Variants in LYPLA1 observed in about 807,000 individuals in gnomAD.
LYPLA1 encodes the protein lysophospholipase 1, also known as acyl-protein thioesterase 1.
LYPLA1 carries 17 observed loss-of-function variants against 34.0 expected under a neutral mutation model. That is an observed-to-expected ratio of 0.50 (90% CI 0.34 to 0.75). LYPLA1 has a LOEUF of 0.75. LYPLA1 is among the 30% of genes least tolerant of loss of function. The pLI, the probability that LYPLA1 is intolerant of heterozygous loss-of-function variation, is 0.01. For missense variants in LYPLA1, 203 were observed against 288.8 expected (o/e 0.70, Z 2.15); for synonymous variants, 98 against 100.8 (o/e 0.97, Z 0.17).
intron 4 of LYPLA1, 143 bp downstream of exon 4, chr8:54,063,185 G>T (rs1806784048): frequency 1.2e-5 from 7 of 567,390 alleles, no homozygotes; most frequent in Non-Finnish European, 2.2e-5. Flanking sequence ...TAAATCCAGA[G>T]TATGAAAATG....
chr8:54,048,246 T>C (rs976060374), intron 8 of LYPLA1, 128 bp from the exon 9 acceptor site: 1 of 620,914 alleles, frequency 1.6e-6, no homozygotes, highest in Non-Finnish European at 2.9e-6. Context: ...TACAATTAAA[T>C]AAGACAAAAG....
chr8:54,052,838 T>G, intron 6 of LYPLA1, 82 bp from the exon 7 acceptor site: 2 of 850,086 alleles, frequency 2.4e-6, no homozygotes, highest in Admixed American at 4.6e-5. Context: ...ACTAATGATA[T>G]CCATAAAAAA....
At chr8:54,100,445 C>T (rs962096067) in intron 2 of LYPLA1, 18 of 154,162 alleles carry the variant, frequency 1.2e-4, no homozygotes, top group Admixed American at 1.1e-3. Flanking sequence ...CCAAATAAAT[C>T]TTTGAGTTGC....
At chr8:54,100,349 T>C (rs537975783) in intron 2 of LYPLA1, 1 of 152,854 alleles carries the variant, frequency 6.5e-6, no homozygotes, top group South Asian at 2.0e-4. Flanking sequence ...CCCTTGTCTC[T>C]AAAAATAATA....
rs1805539228 is a variant in LYPLA1, at chr8:54,047,276, A to G, written c.*789T>C. Reference sequence around the variant, plus strand: ...TGTCTGGTTTCTCTATAAAGCATAAATAGATTTTAAATACCTTATATCTGT... The same window carrying G: ...TGTCTGGTTTCTCTATAAAGCATAAGTAGATTTTAAATACCTTATATCTGT... On this transcript the variant is annotated 3_prime_UTR_variant, in exon 9 of 9. Coordinates refer to ENST00000316963, the MANE Select transcript of LYPLA1 (RefSeq NM_006330.4). 6.6e-6 allele frequency: 1 copy of G among 152,198 alleles called. No homozygotes were observed. Among genetic ancestry groups the G allele is most frequent in the African/African-American group, 2.4e-5 (1 of 41,474 alleles). 9.4% of individuals were successfully genotyped at this position (152,198 alleles called of 1,614,324 possible).
chr8:54,065,750 A>G lies in LYPLA1; in HGVS notation c.165T>C (p.His55=), dbSNP rs769924686. 3.7e-6 allele frequency: 6 copies of G among 1,613,392 alleles called. No homozygotes were observed. The South Asian group carries it at 4.4e-5, about 12-fold the overall frequency. The change falls in exon 3 of 9, where the codon CAT becomes CAC. Residue 55 remains histidine (H), a splice_region_variant and synonymous_variant. Transcript: ENST00000316963. ...RSSHIKYICP[H]APVRPVTLNM... is the part of the protein sequence containing the mutation. The stretch of plus-strand genomic sequence containing the variant: ...GCCTGAAGATCAGAAATACTCACGC[A>G]TGCGGGCAGATATATTTGATATGTG...
chr8:54,063,401 A>T (rs1806804153), intron 3 of LYPLA1, 26 bp from the exon 4 acceptor site: 1 of 1,442,226 alleles, frequency 6.9e-7, no homozygotes, highest in African/African-American at 1.4e-5. Context: ...AAAACAACAA[A>T]ATCAGAATAA....
intron 2 of LYPLA1, among the ~76,000 whole-genome samples, chr8:54,092,946 G>C (rs954840973): frequency 1.3e-5 from 2 of 152,098 alleles, no homozygotes; most frequent in Non-Finnish European, 2.9e-5. Context: ...GTTTGTAAAA[G>C]AAACACCACT....
chr8:54,075,461 C>T (rs1203410202), intron 2 of LYPLA1, among the ~76,000 whole-genome samples: 7 of 152,166 alleles, frequency 4.6e-5, no homozygotes, highest in African/African-American at 7.2e-5. Context: ...TCGAGACGGA[C>T]GCTGAGGAGG....
chr8:54,063,727 A>T (rs984220630), intron 3 of LYPLA1, among the ~76,000 whole-genome samples: 2 of 152,224 alleles, frequency 1.3e-5, no homozygotes, highest in African/African-American at 4.8e-5. Context: ...GGCTAAGGAC[A>T]ATGAGTGATT....
At chr8:54,064,441 G>C (rs755799374) in intron 3 of LYPLA1, among the ~76,000 whole-genome samples, 9 of 152,044 alleles carry the variant, frequency 5.9e-5, no homozygotes, top group African/African-American at 2.2e-4. Flanking sequence ...AGAATAAAAA[G>C]AATTCTGTCT....
At chr8:54,044,032 CAGGTGCACGCCA>C (rs1805426827), downstream of LYPLA1, among the ~76,000 whole-genome samples, 1 of 152,116 alleles carries the variant, frequency 6.6e-6, no homozygotes, top group Non-Finnish European at 1.5e-5. Flanking sequence ...GCTGGGATTA[CAGGTGCACGCCA>C]CCATGCCCAG....
chr8:54,099,356 G>T (rs72614667), intron 2 of LYPLA1, among the ~76,000 whole-genome samples: 1 of 152,060 alleles, frequency 6.6e-6, no homozygotes, highest in Non-Finnish European at 1.5e-5. Flanking sequence ...TACAAAGTTT[G>T]TATTACATAA....
At chr8:54,052,009 C>T (rs1274335584) in intron 7 of LYPLA1, among the ~76,000 whole-genome samples, 3 of 151,900 alleles carry the variant, frequency 2.0e-5, no homozygotes, top group Admixed American at 6.6e-5. Flanking sequence ...CACCACGACG[C>T]CCAGCTAATT....
At chr8:54,098,345 G>A (rs1248216642) in intron 2 of LYPLA1, among the ~76,000 whole-genome samples, 2 of 152,096 alleles carry the variant, frequency 1.3e-5, no homozygotes, top group African/African-American at 4.8e-5. Context: ...TTCGTGTCCT[G>A]GGTGAGACGG....
Position 54,101,740 on chromosome 8 carries a change from G to A in LYPLA1, c.69+15C>T. ...GCCCAGTGGACCCCTCCGAGCCCAC[G>A]CCTACGCCACTCACCGCAGCGGTGG... On this transcript the variant is annotated intron_variant, in intron 1 of 8. Coordinates refer to ENST00000316963, the MANE Select transcript of LYPLA1 (RefSeq NM_006330.4). 1.5e-6 allele frequency: 2 copies of A among 1,300,088 alleles called. No individual in the cohort carries two copies. The highest frequency in any genetic ancestry group is 9.9e-7 in the Non-Finnish European group (1 of 1,014,724). 80.5% of individuals were successfully genotyped at this position (1,300,088 alleles called of 1,614,324 possible). A position where few individuals can be genotyped will look rare whatever the true frequency, so the allele number is the denominator to read the frequency against.
rs577022982 is a variant in LYPLA1, at chr8:54,059,599, C to T, written c.286+2655G>A. 2.7e-5 allele frequency among the ~76,000 whole-genome samples: 2 copies of T among 73,332 alleles called. 1 individual carries two copies. Among genetic ancestry groups the T allele is most frequent in the East Asian group, 5.2e-3 (2 of 388 alleles). The allele number at this position is 73,332 out of a possible 152,430, so 48.1% of individuals were successfully genotyped here. ...GATTACAGGCGTGAGCCACCGCGCC[C>T]GGCCATTTTCCCTGTTTTAAAGACC... is the stretch of plus-strand genomic sequence containing the variant. On this transcript the variant is annotated intron_variant, in intron 5 of 8. Transcript: ENST00000316963.
chr8:54,101,059 T>C (rs1810097742), intron 1 of LYPLA1, 120 bp from the exon 2 acceptor site: 3 of 786,452 alleles, frequency 3.8e-6, no homozygotes, highest in African/African-American at 3.7e-5. Flanking sequence ...TACACAACAC[T>C]ATCTTCGGCG....
chr8:54,050,996 G>A lies in LYPLA1; in HGVS notation c.639+16C>T, dbSNP rs565252234. On this transcript the variant is annotated intron_variant, in intron 8 of 8. Transcript: ENST00000316963. ...AGTTACAAATATGGCGCTGATCACT[G>A]CTTCTAGACACCTACCTGTTGACAC... is the stretch of plus-strand genomic sequence containing the variant. 85 of 1,579,678 alleles carry A rather than the reference G, an allele frequency of 5.4e-5. No homozygotes were observed. The South Asian group carries it at 9.0e-4, about 17-fold the overall frequency.
Sources: allele counts gnomAD v4.1 joint callset (sites outside exome capture counted in the v4.1 genomes callset), GRCh38; gene constraint gnomAD v4.1.1; transcripts MANE v1.5; gene names NCBI Gene and HGNC (gene_info 2026-07-23, HGNC 2026-07-21).